Variants in HECW1 observed in about 807,000 individuals in gnomAD.
The protein encoded by HECW1 is E3 ubiquitin-protein ligase HECW1.
In HECW1, 61 loss-of-function variants were observed where a neutral mutation model predicts 182.3. The ratio of observed to expected loss-of-function variants is 0.33; its 90% CI spans 0.27 to 0.41. The LOEUF is 0.41. Ranked by LOEUF, HECW1 falls within the 10% of genes least tolerant of loss-of-function variation. The pLI is 1.00. For missense variants in HECW1, 1,739 were observed against 2,108.9 expected, an observed-to-expected ratio of 0.82 and a Z score of 3.44; for synonymous variants, 859 against 832.6, an observed-to-expected ratio of 1.03 and a Z score of -0.55.
intron 24 of HECW1, among the ~76,000 whole-genome samples, chr7:43,521,452 G>A (rs774291950): frequency 1.3e-5 from 2 of 152,236 alleles, no homozygotes; most frequent in African/African-American, 4.8e-5. Flanking sequence ...AGGATTAAAA[G>A]TATTTCTGTA....
intron 2 of HECW1, among the ~76,000 whole-genome samples, chr7:43,133,446 G>T (rs1787176286): frequency 1.3e-5 from 2 of 151,764 alleles, no homozygotes; most frequent in Non-Finnish European, 1.5e-5. Context: ...TTAATCTTAT[G>T]GTTATTGGTC....
At chr7:43,259,510 A>T (rs1362474073) in intron 3 of HECW1, among the ~76,000 whole-genome samples, 1 of 152,242 alleles carries the variant, frequency 6.6e-6, no homozygotes, top group Non-Finnish European at 1.5e-5. Context: ...TGGATCAGAT[A>T]CTGGAACTAG....
At chr7:43,332,146 A>T (rs1811575819) in intron 5 of HECW1, among the ~76,000 whole-genome samples, 1 of 151,564 alleles carries the variant, frequency 6.6e-6, no homozygotes, top group African/African-American at 2.4e-5. Context: ...GGAAGAACTC[A>T]GGAGTGATTT....
At chr7:43,320,481 G>C (rs375319781) in intron 4 of HECW1, among the ~76,000 whole-genome samples, 154 bp from the exon 5 acceptor site, 1 of 152,172 alleles carries the variant, frequency 6.6e-6, no homozygotes, top group East Asian at 1.9e-4. Context: ...TGGCGTCTTG[G>C]GGTGCTTCCT....
At chr7:43,227,259 A>G (rs1201211989) in intron 2 of HECW1, among the ~76,000 whole-genome samples, 1 of 152,078 alleles carries the variant, frequency 6.6e-6, no homozygotes, top group Non-Finnish European at 1.5e-5. Context: ...AGCTCCAGGG[A>G]TGGCTATTTT....
At chr7:43,302,580 A>C (rs1440586389) in intron 3 of HECW1, among the ~76,000 whole-genome samples, 1 of 152,144 alleles carries the variant, frequency 6.6e-6, no homozygotes, top group African/African-American at 2.4e-5. Context: ...TGAGGTCATC[A>C]TGGGGGCTCC....
rs1049144899 is a variant in HECW1 at position 43,562,193 on chromosome 7, C to A, written c.*267C>A. Reference sequence around the variant, plus strand: ...CAGCTGTCTCAAGGTCTGTGTATATCTCCACATACCTCCATTACTAACAAT... The same window carrying A: ...CAGCTGTCTCAAGGTCTGTGTATATATCCACATACCTCCATTACTAACAAT... On this transcript the variant is annotated 3_prime_UTR_variant, in exon 30 of 30. Coordinates refer to ENST00000395891, the MANE Select transcript of HECW1 (RefSeq NM_015052.5). 2.9e-5 allele frequency: 10 copies of A among 349,002 alleles called. No homozygotes were observed. Among genetic ancestry groups the A allele is most frequent in the Non-Finnish European group, 5.2e-5 (10 of 191,332 alleles). 21.6% of individuals were successfully genotyped at this position (349,002 alleles called of 1,614,324 possible).
chr7:43,128,456 G>C lies in HECW1; in HGVS notation c.-32+14065G>C, dbSNP rs111918677. On this transcript the variant is annotated intron_variant, in intron 2 of 29. Transcript: ENST00000395891. ...TTGAATGGCAGCACATCTGTTTATA[G>C]CATGGTCTACTAAATATTTAAACCC... is the stretch of plus-strand genomic sequence containing the variant. 4.7e-3 allele frequency among the ~76,000 whole-genome samples: 713 copies of C among 152,256 alleles called. 6 individuals carry two copies. The highest frequency in any genetic ancestry group is 0.016 in the African/African-American group (675 of 41,550).
At chr7:43,278,054 T>C (rs1490993644) in intron 3 of HECW1, among the ~76,000 whole-genome samples, 2 of 152,082 alleles carry the variant, frequency 1.3e-5, no homozygotes, top group East Asian at 3.9e-4. Flanking sequence ...TCTACTCTTG[T>C]GACTTGAAAT....
chr7:43,555,580 G>C (rs550498752), intron 29 of HECW1, among the ~76,000 whole-genome samples: 1 of 152,326 alleles, frequency 6.6e-6, no homozygotes, highest in Admixed American at 6.5e-5. Flanking sequence ...ATTTAACTCA[G>C]CTCTATTTCT....
At chr7:43,454,837 CT>C (rs200425502) in intron 12 of HECW1, among the ~76,000 whole-genome samples, 1 of 152,206 alleles carries the variant, frequency 6.6e-6, no homozygotes, top group East Asian at 1.9e-4. Context: ...TATGGCTTTT[CT>C]CACTGAAAAG....
At chr7:43,349,291 C>T (rs890987057) in intron 5 of HECW1, among the ~76,000 whole-genome samples, 3 of 152,174 alleles carry the variant, frequency 2.0e-5, no homozygotes, top group South Asian at 2.1e-4. Context: ...GCCTCGGCCT[C>T]CCAAAGTGCT....
rs182985393 is a variant in HECW1, at chr7:43,181,057, A to T, written c.-31-62818A>T. ...CTATTCTACTCTCTTCTTCTATGAG[A>T]TCAACTTTTTAAGATTCCACATATG... On this transcript the variant is annotated intron_variant, in intron 2 of 29. Transcript: ENST00000395891. 1.1e-3 allele frequency among the ~76,000 whole-genome samples: 166 copies of T among 151,320 alleles called. 7 individuals are homozygous for T. The highest frequency in any genetic ancestry group is 3.7e-3 in the African/African-American group (150 of 40,730).
At chr7:43,202,501 T>A (rs527698306) in intron 2 of HECW1, among the ~76,000 whole-genome samples, 1 of 150,332 alleles carries the variant, frequency 6.7e-6, no homozygotes, top group South Asian at 2.1e-4. Flanking sequence ...TGAAACAGAA[T>A]CTCACTCTAT....
chr7:43,428,511 A>G (rs1375481273), intron 8 of HECW1, among the ~76,000 whole-genome samples: 1 of 152,238 alleles, frequency 6.6e-6, no homozygotes, highest in Non-Finnish European at 1.5e-5. Flanking sequence ...TACAAGGACA[A>G]GGAATGACAA....
intron 2 of HECW1, among the ~76,000 whole-genome samples, chr7:43,207,202 A>G (rs929552858): frequency 2.6e-5 from 4 of 152,228 alleles, no homozygotes; most frequent in Admixed American, 2.0e-4. Flanking sequence ...GCATGCCACC[A>G]TGCCTGGCTA....
At chr7:43,113,363 C>A (rs1784785371) in intron 1 of HECW1, among the ~76,000 whole-genome samples, 1 of 151,674 alleles carries the variant, frequency 6.6e-6, no homozygotes, top group Non-Finnish European at 1.5e-5. Context: ...ATTTGCGCTT[C>A]GCCTTGGGCT....
chr7:43,379,685 T>A (rs905490180), intron 6 of HECW1, among the ~76,000 whole-genome samples: 2 of 152,062 alleles, frequency 1.3e-5, no homozygotes, highest in African/African-American at 4.8e-5. Flanking sequence ...GCACTTCAGG[T>A]TTCTCTGCTT....
At chr7:43,498,973 A>T (rs1449299740) in intron 19 of HECW1, among the ~76,000 whole-genome samples, 2 of 152,150 alleles carry the variant, frequency 1.3e-5, no homozygotes, top group Non-Finnish European at 2.9e-5. Context: ...TTTGGAAAAT[A>T]GATTTTTTTT....
Sources: gnomAD v4.1 joint callset for allele counts (sites outside exome capture counted in the v4.1 genomes callset) on GRCh38, gnomAD v4.1.1 for gene constraint, MANE v1.5 for transcripts, NCBI Gene and HGNC (gene_info 2026-07-23, HGNC 2026-07-21) for gene names.